CPNE4: variants seen among roughly 807,000 people sequenced by gnomAD.
CPNE4 encodes copine-4.
A neutral mutation model predicts 67.9 loss-of-function variants in CPNE4; 25 were observed. The ratio of observed to expected loss-of-function variants is 0.37; its 90% CI spans 0.27 to 0.51. The LOEUF is 0.51. Among genes scored for constraint, CPNE4 ranks in the 20% least tolerant of loss-of-function variants. The pLI, the probability that CPNE4 is intolerant of heterozygous loss-of-function variation, is 0.93. For missense variants in CPNE4, 464 were observed against 690.8 expected (o/e 0.67, Z 3.68); for synonymous variants, 242 against 244.9 (o/e 0.99, Z 0.11).
At chr3:131,735,213 G>T (rs974437786) in intron 2 of CPNE4, among the ~76,000 whole-genome samples, 1 of 152,202 alleles carries the variant, frequency 6.6e-6, no homozygotes, top group Non-Finnish European at 1.5e-5. Flanking sequence ...ACTAGGCCAT[G>T]CCAGGAAATG....
intron 7 of CPNE4, among the ~76,000 whole-genome samples, chr3:131,662,903 G>T (rs986266531): frequency 1.3e-5 from 2 of 152,200 alleles, no homozygotes; most frequent in African/African-American, 4.8e-5. Flanking sequence ...AGACAGTGTG[G>T]TGATTCCTCA....
At chr3:131,823,131 G>A (rs1039890568) in intron 2 of CPNE4, among the ~76,000 whole-genome samples, 4 of 152,178 alleles carry the variant, frequency 2.6e-5, no homozygotes, top group Admixed American at 1.3e-4. Context: ...GAGCCACTGC[G>A]CCCGGTCTGT....
At chr3:131,671,729 G>A (rs1016160405) in intron 6 of CPNE4, among the ~76,000 whole-genome samples, 15 of 152,070 alleles carry the variant, frequency 9.9e-5, no homozygotes, top group Admixed American at 2.6e-4. Flanking sequence ...AGGAGAGGAG[G>A]TTCTGGAAGA....
At chr3:131,666,859 C>G (rs1368781896) in intron 7 of CPNE4, among the ~76,000 whole-genome samples, 2 of 152,162 alleles carry the variant, frequency 1.3e-5, no homozygotes, top group South Asian at 2.1e-4. Flanking sequence ...ACATCTCAGT[C>G]AAATACAGTG....
intron 7 of CPNE4, among the ~76,000 whole-genome samples, chr3:131,656,049 GT>G (rs1386655210): frequency 7.4e-6 from 1 of 135,814 alleles, no homozygotes; most frequent in African/African-American, 2.8e-5. Flanking sequence ...CCACAATACT[GT>G]TTCTTTTTTT....
intron 5 of CPNE4, among the ~76,000 whole-genome samples, chr3:131,687,677 C>T (rs1002713238): frequency 3.3e-5 from 5 of 152,214 alleles, no homozygotes; most frequent in African/African-American, 1.2e-4. Flanking sequence ...TCCTAGTCTT[C>T]AGCTCAGCAA....
chr3:131,573,527 G>T (rs1307162496), intron 10 of CPNE4, among the ~76,000 whole-genome samples: 1 of 152,088 alleles, frequency 6.6e-6, no homozygotes, highest in Non-Finnish European at 1.5e-5. Context: ...GGCAGAGCAA[G>T]CCCCTGAAGG....
chr3:131,973,976 C>T (rs1285004807), intron 1 of CPNE4, among the ~76,000 whole-genome samples: 2 of 152,184 alleles, frequency 1.3e-5, no homozygotes, highest in Non-Finnish European at 2.9e-5. Context: ...TTATCCCAAA[C>T]TGCAGTCCCA....
intron 1 of CPNE4, among the ~76,000 whole-genome samples, chr3:132,005,897 G>C (rs182160534): frequency 6.6e-6 from 1 of 152,114 alleles, no homozygotes; most frequent in Admixed American, 6.6e-5. Context: ...GTCTAACAGA[G>C]AAAACAAAAC....
At chr3:131,680,423 A>G (rs1560104010) in intron 6 of CPNE4, among the ~76,000 whole-genome samples, 1 of 152,052 alleles carries the variant, frequency 6.6e-6, no homozygotes, top group African/African-American at 2.4e-5. Flanking sequence ...GAAACAGACA[A>G]ACTAACAAAC....
At chr3:131,617,294 T>G (rs1473909281) in intron 7 of CPNE4, among the ~76,000 whole-genome samples, 2 of 152,238 alleles carry the variant, frequency 1.3e-5, no homozygotes, top group Non-Finnish European at 2.9e-5. Context: ...TTGCTCTACC[T>G]GCTCTTAGCT....
chr3:131,769,351 C>A (rs1483995448), intron 2 of CPNE4, among the ~76,000 whole-genome samples: 2 of 152,078 alleles, frequency 1.3e-5, no homozygotes, highest in African/African-American at 2.4e-5. Context: ...TGAGACATGG[C>A]CATCTGTAAA....
At chr3:131,710,703 A>G (rs1430308909) in intron 3 of CPNE4, among the ~76,000 whole-genome samples, 2 of 152,182 alleles carry the variant, frequency 1.3e-5, no homozygotes, top group Non-Finnish European at 2.9e-5. Flanking sequence ...AATATCTGAG[A>G]TATAACAAGA....
intron 1 of CPNE4, among the ~76,000 whole-genome samples, chr3:131,960,121 G>C (rs2072122477): frequency 8.6e-5 from 4 of 46,498 alleles, no homozygotes; most frequent in Admixed American, 6.0e-4. Flanking sequence ...GAGAAAGAGT[G>C]GAGAGGGAGG....
At chr3:132,036,959 A>G (rs1423765946), upstream of CPNE4, among the ~76,000 whole-genome samples, 3 of 152,144 alleles carry the variant, frequency 2.0e-5, no homozygotes, top group African/African-American at 4.8e-5. Context: ...AAGTTTTACT[A>G]TATCTACAAA....
chr3:131,646,369 TACTC>T (rs1553745240), intron 7 of CPNE4, among the ~76,000 whole-genome samples: 1 of 152,100 alleles, frequency 6.6e-6, no homozygotes, highest in Non-Finnish European at 1.5e-5. Flanking sequence ...ATAGGGAAAA[TACTC>T]ACATACATAT....
At chr3:131,735,141 C>A (rs2082206412) in intron 2 of CPNE4, among the ~76,000 whole-genome samples, 1 of 152,136 alleles carries the variant, frequency 6.6e-6, no homozygotes, top group Non-Finnish European at 1.5e-5. Flanking sequence ...TAAGGCCTTT[C>A]CCTCACAACA....
At chr3:132,007,805 T>TG (rs2073647684) in intron 1 of CPNE4, among the ~76,000 whole-genome samples, 1 of 152,184 alleles carries the variant, frequency 6.6e-6, no homozygotes, top group African/African-American at 2.4e-5. Context: ...CACAGTCACT[T>TG]GCTCATGTGT....
intron 2 of CPNE4, among the ~76,000 whole-genome samples, chr3:131,820,606 A>G (rs1354043801): frequency 1.3e-5 from 2 of 152,252 alleles, no homozygotes; most frequent in Non-Finnish European, 2.9e-5. Context: ...ATTTGCAATT[A>G]TTACAAACAT....
Sources: gnomAD v4.1 joint callset for allele counts (sites outside exome capture counted in the v4.1 genomes callset) on GRCh38, gnomAD v4.1.1 for gene constraint, MANE v1.5 for transcripts, NCBI Gene and HGNC (gene_info 2026-07-23, HGNC 2026-07-21) for gene names.